ZBTB20: variants seen among roughly 807,000 people sequenced by gnomAD.
ZBTB20 encodes the protein zinc finger and BTB domain-containing protein 20.
A neutral mutation model predicts 56.9 loss-of-function variants in ZBTB20; 9 were observed. The ratio of observed to expected loss-of-function variants is 0.16; its 90% CI spans 0.10 to 0.28. The LOEUF (loss-of-function observed/expected upper bound fraction) is 0.28, where lower values mean the gene tolerates loss of function less well. Ranked by LOEUF, ZBTB20 falls within the 10% of genes least tolerant of loss-of-function variation. The probability of loss-of-function intolerance (pLI) is 1.00; values close to 1 mark genes in which losing one functional copy is unlikely to be tolerated. For missense variants in ZBTB20, 655 were observed against 1,003.0 expected (o/e 0.65, Z 4.69); for synonymous variants, 417 against 420.7 (o/e 0.99, Z 0.11).
At chr3:114,403,929 TA>T (rs1390236007) in intron 7 of ZBTB20, among the ~76,000 whole-genome samples, 1 of 152,116 alleles carries the variant, frequency 6.6e-6, no homozygotes, top group African/African-American at 2.4e-5. Context: ...TTCTCATATA[TA>T]ATGTGGGAGT....
chr3:115,052,867 T>G (rs554862610), intron 2 of ZBTB20, among the ~76,000 whole-genome samples: 1 of 152,322 alleles, frequency 6.6e-6, no homozygotes, highest in African/African-American at 2.4e-5. Context: ...CTGTAAAAAT[T>G]TTCATGTTTG....
intron 10 of ZBTB20, among the ~76,000 whole-genome samples, chr3:114,366,222 T>C (rs1411490541): frequency 1.3e-5 from 2 of 152,206 alleles, no homozygotes; most frequent in East Asian, 1.9e-4. Context: ...GAATAATTCA[T>C]CTTACCTAGT....
intron 7 of ZBTB20, 137 bp from the exon 8 acceptor site, chr3:114,389,242 A>G (rs2085519448): frequency 6.6e-6 from 1 of 152,244 alleles, no homozygotes; most frequent in South Asian, 2.1e-4. Flanking sequence ...TGCACCAGAG[A>G]ATGGCGAGGT....
At chr3:114,424,120 C>T (rs530373326) in intron 7 of ZBTB20, among the ~76,000 whole-genome samples, 6 of 152,192 alleles carry the variant, frequency 3.9e-5, no homozygotes, top group East Asian at 3.8e-4. Context: ...CAGCTGTACA[C>T]GGTCATATTA....
chr3:114,997,198 T>C (rs1160808854), intron 2 of ZBTB20, among the ~76,000 whole-genome samples: 1 of 151,708 alleles, frequency 6.6e-6, no homozygotes, highest in East Asian at 1.9e-4. Flanking sequence ...TTTGGTAGAG[T>C]ATTATGTGGA....
intron 1 of ZBTB20, among the ~76,000 whole-genome samples, chr3:115,107,253 C>T (rs144262157): frequency 3.3e-5 from 5 of 151,802 alleles, no homozygotes; most frequent in Admixed American, 1.3e-4. Flanking sequence ...ATACTGAGAC[C>T]GCATGTCTAT....
chr3:114,667,899 G>A (rs1204870154), intron 6 of ZBTB20, among the ~76,000 whole-genome samples: 1 of 151,890 alleles, frequency 6.6e-6, no homozygotes, highest in African/African-American at 2.4e-5. Context: ...AGGCCCACAT[G>A]CTCACAAGCA....
intron 6 of ZBTB20, among the ~76,000 whole-genome samples, chr3:114,592,000 T>C (rs2055814872): frequency 6.6e-6 from 1 of 152,198 alleles, no homozygotes; most frequent in Admixed American, 6.5e-5. Flanking sequence ...ATTAATTTCA[T>C]TTTGAGGTTT....
chr3:114,616,644 T>A (rs2057966672), intron 6 of ZBTB20, among the ~76,000 whole-genome samples: 3 of 152,192 alleles, frequency 2.0e-5, no homozygotes. Context: ...CTGAGAAATG[T>A]CCACTCCATA....
intron 5 of ZBTB20, among the ~76,000 whole-genome samples, chr3:114,771,636 A>C (rs913348167): frequency 6.6e-5 from 10 of 152,172 alleles, no homozygotes; most frequent in Admixed American, 1.3e-4. Context: ...ATTTACCTGT[A>C]CTATATTTCT....
chr3:115,085,391 G>A (rs1268968187), intron 1 of ZBTB20, among the ~76,000 whole-genome samples: 1 of 151,940 alleles, frequency 6.6e-6, no homozygotes, highest in African/African-American at 2.4e-5. Context: ...CTCCCTGGAA[G>A]TAAGTTGGAC....
At chr3:114,820,492 G>A (rs2073176364) in intron 4 of ZBTB20, among the ~76,000 whole-genome samples, 1 of 151,894 alleles carries the variant, frequency 6.6e-6, no homozygotes, top group Non-Finnish European at 1.5e-5. Context: ...GGTGTCAAGT[G>A]ATTTAAATTT....
rs372608689 is a variant in ZBTB20 at position 115,097,870 on chromosome 3, T to G, written c.-702-26456A>C. Among the ~76,000 whole-genome samples the G allele has an allele frequency of 2.3e-3, 356 of 152,338 alleles. 2 individuals are homozygous for G. The highest frequency in any genetic ancestry group is 8.4e-3 in the African/African-American group (350 of 41,582). ...TTATGCACATTTTATAATGTCCTTC[T>G]GTATTTAGATTGTGACAGTCCCTCC... On this transcript the variant is annotated intron_variant, in intron 1 of 11. Coordinates refer to ENST00000675478, the MANE Select transcript of ZBTB20 (RefSeq NM_001348800.3).
At chr3:114,721,036 A>C (rs2064873174) in intron 5 of ZBTB20, among the ~76,000 whole-genome samples, 1 of 152,194 alleles carries the variant, frequency 6.6e-6, no homozygotes, top group Non-Finnish European at 1.5e-5. Context: ...GCATGAGAGA[A>C]AGCATGGAAG....
chr3:114,991,835 AT>A (rs1234285154), intron 2 of ZBTB20, among the ~76,000 whole-genome samples: 1 of 152,072 alleles, frequency 6.6e-6, no homozygotes, highest in African/African-American at 2.4e-5. Context: ...TTCTTTTTGA[AT>A]TGATCCCTTT....
At chr3:115,106,921 TAAAC>T (rs1035718949) in intron 1 of ZBTB20, among the ~76,000 whole-genome samples, 2 of 152,174 alleles carry the variant, frequency 1.3e-5, no homozygotes, top group Non-Finnish European at 2.9e-5. Context: ...AATGAATGAC[TAAAC>T]AAACAACAGT....
rs191495640 is a variant in ZBTB20 at position 115,089,927 on chromosome 3, T to G, written c.-702-18513A>C. Among the ~76,000 whole-genome samples the G allele has an allele frequency of 4.5e-4, 68 of 151,888 alleles. 1 individual carries two copies. In the East Asian group the frequency reaches 0.012, roughly 27 times the overall value. The stretch of plus-strand genomic sequence containing the variant: ...CTACATAAAGTAAGATTATGTTTAG[T>G]TAAGGAATAATGTGAGAGATGAGGA... On this transcript the variant is annotated intron_variant, in intron 1 of 11. Transcript: ENST00000675478.
At chr3:114,509,643 T>C (rs1193363121) in intron 6 of ZBTB20, among the ~76,000 whole-genome samples, 1 of 152,148 alleles carries the variant, frequency 6.6e-6, no homozygotes, top group Non-Finnish European at 1.5e-5. Flanking sequence ...TTGGTGACTC[T>C]CTGTATACTC....
At chr3:114,431,615 A>G (rs757740619) in intron 7 of ZBTB20, among the ~76,000 whole-genome samples, 3 of 152,324 alleles carry the variant, frequency 2.0e-5, no homozygotes, top group South Asian at 2.1e-4. Flanking sequence ...CTGCTTTGCT[A>G]AAGAACAAAA....
Sources: gnomAD v4.1 joint callset for allele counts (sites outside exome capture counted in the v4.1 genomes callset) on GRCh38, gnomAD v4.1.1 for gene constraint, MANE v1.5 for transcripts, NCBI Gene and HGNC (gene_info 2026-07-23, HGNC 2026-07-21) for gene names.